The following MAGI2 variants were observed in gnomAD, a reference collection of about 807,000 sequenced individuals.
MAGI2 encodes the protein membrane-associated guanylate kinase, WW and PDZ domain-containing protein 2.
A neutral mutation model predicts 133.3 loss-of-function variants in MAGI2; 35 were observed. The observed-to-expected ratio is 0.26, with a 90% CI of 0.20 to 0.35. The LOEUF (loss-of-function observed/expected upper bound fraction) is 0.35, where lower values mean the gene tolerates loss of function less well. Ranked by LOEUF, MAGI2 falls within the 10% of genes least tolerant of loss-of-function variation. MAGI2 has a pLI of 1.00. For missense variants in MAGI2, 1,636 were observed against 1,863.4 expected (o/e 0.88, Z 2.25); for synonymous variants, 729 against 710.6 (o/e 1.03, Z -0.41).
rs554128315 is a variant in MAGI2, at chr7:78,728,839, A to C, written c.419-101600T>G. Among the ~76,000 whole-genome samples the C allele has an allele frequency of 4.0e-4, 60 of 151,624 alleles. 2 individuals carry two copies. The highest frequency in any genetic ancestry group is 1.4e-3 in the African/African-American group (58 of 41,394). ...CTCGGCCTCCCAAAGTGCTGGGATT[A>C]CAGGCGTGAGCCACCGCGCCCGGCC... On this transcript the variant is annotated intron_variant, in intron 2 of 21. Coordinates refer to ENST00000354212, the MANE Select transcript of MAGI2 (RefSeq NM_012301.4).
At chr7:78,383,324 T>C (rs1247510945) in intron 6 of MAGI2, among the ~76,000 whole-genome samples, 1 of 152,164 alleles carries the variant, frequency 6.6e-6, no homozygotes, top group Non-Finnish European at 1.5e-5. Flanking sequence ...GGTAAGATGA[T>C]ATCTCACTGT....
At chr7:78,751,579 G>A (rs1207871) in intron 2 of MAGI2, among the ~76,000 whole-genome samples, 46,795 of 152,076 alleles carry the variant, frequency 0.31, 7,402 homozygotes, top group South Asian at 0.47. Context: ...TGGTATCACA[G>A]AAAGATTGCC....
intron 1 of MAGI2, chr7:79,415,795 G>A (rs917183659): frequency 3.9e-5 from 6 of 152,144 alleles, no homozygotes; most frequent in Non-Finnish European, 7.3e-5. Context: ...GTCTGAATCT[G>A]GAAGATCCAG....
At chr7:78,063,731 G>A (rs1193412223) in intron 21 of MAGI2, among the ~76,000 whole-genome samples, 1 of 152,024 alleles carries the variant, frequency 6.6e-6, no homozygotes, top group Non-Finnish European at 1.5e-5. Context: ...TACCACTTGG[G>A]TAGAATTTTC....
intron 2 of MAGI2, among the ~76,000 whole-genome samples, chr7:78,782,855 C>G (rs1563499887): frequency 6.6e-6 from 1 of 152,084 alleles, no homozygotes; most frequent in Admixed American, 6.5e-5. Flanking sequence ...ACATATACTT[C>G]AGTGCTTCTA....
intron 1 of MAGI2, among the ~76,000 whole-genome samples, chr7:79,204,750 G>A (rs1422218402): frequency 6.6e-6 from 1 of 151,618 alleles, no homozygotes; most frequent in African/African-American, 2.4e-5. Context: ...GTGACCAGAT[G>A]AACAATTTAA....
chr7:78,961,467 G>T (rs554335394), intron 2 of MAGI2, among the ~76,000 whole-genome samples: 1 of 152,128 alleles, frequency 6.6e-6, no homozygotes, highest in South Asian at 2.1e-4. Context: ...TAAACTAATC[G>T]CTGTAATCAC....
In MAGI2 at chr7:78,849,202, C is replaced by T. The variant is rs144342741; in HGVS notation, c.418+157888G>A. 2.3e-3 allele frequency among the ~76,000 whole-genome samples: 356 copies of T among 152,058 alleles called. 1 individual carries two copies. The highest frequency in any genetic ancestry group is 8.2e-3 in the African/African-American group (340 of 41,502). ...TAAAACATGGACTTGACTTTTTAGA[C>T]GCTTACTGGCTAGCTGAAGAAATAT... On this transcript the variant is annotated intron_variant, in intron 2 of 21. Coordinates refer to ENST00000354212, the MANE Select transcript of MAGI2 (RefSeq NM_012301.4).
intron 9 of MAGI2, among the ~76,000 whole-genome samples, chr7:78,287,287 G>A (rs940422758): frequency 4.6e-5 from 7 of 152,172 alleles, no homozygotes; most frequent in South Asian, 2.1e-4. Context: ...TCAGAGAGAA[G>A]GAGAAATTTT....
At chr7:79,033,507 G>A (rs114824539) in intron 1 of MAGI2, among the ~76,000 whole-genome samples, 3,001 of 152,170 alleles carry the variant, frequency 0.02, 88 homozygotes, top group African/African-American at 0.068. Flanking sequence ...TATACCTTAT[G>A]GACAATTAGT....
At chr7:78,149,569 G>C (rs1054109446) in intron 16 of MAGI2, among the ~76,000 whole-genome samples, 1 of 152,130 alleles carries the variant, frequency 6.6e-6, no homozygotes, top group Non-Finnish European at 1.5e-5. Flanking sequence ...TTTTCATCTT[G>C]CTGTTCATCT....
At chr7:78,170,731 A>G (rs1361785234) in intron 14 of MAGI2, 1 of 152,076 alleles carries the variant, frequency 6.6e-6, no homozygotes, top group Non-Finnish European at 1.5e-5. Context: ...TAGGCAGTAT[A>G]TTCAATTACC....
At chr7:78,175,722 G>A (rs914667066) in intron 14 of MAGI2, among the ~76,000 whole-genome samples, 1 of 152,158 alleles carries the variant, frequency 6.6e-6, no homozygotes, top group African/African-American at 2.4e-5. Flanking sequence ...AGGAGTCTTG[G>A]GCAGAGGTGG....
intron 1 of MAGI2, among the ~76,000 whole-genome samples, chr7:79,134,910 G>A (rs1821243629): frequency 6.6e-6 from 1 of 152,136 alleles, no homozygotes; most frequent in Admixed American, 6.5e-5. Context: ...ATTAATAGAG[G>A]GTTAGATTAG....
chr7:78,257,632 GT>G (rs771002800), intron 9 of MAGI2, among the ~76,000 whole-genome samples: 1 of 152,004 alleles, frequency 6.6e-6, no homozygotes, highest in South Asian at 2.1e-4. Context: ...TGAGATAAAT[GT>G]TTTTTTAAAA....
At chr7:78,477,354 T>C (rs1346845554) in intron 6 of MAGI2, among the ~76,000 whole-genome samples, 2 of 152,028 alleles carry the variant, frequency 1.3e-5, no homozygotes, top group Non-Finnish European at 2.9e-5. Context: ...GTAAGAACAC[T>C]GAATGTAATA....
At chr7:79,231,944 T>C (rs1436746578) in intron 1 of MAGI2, among the ~76,000 whole-genome samples, 1 of 152,196 alleles carries the variant, frequency 6.6e-6, no homozygotes, top group Non-Finnish European at 1.5e-5. Context: ...CATAGACAGC[T>C]CTTATTATTT....
intron 6 of MAGI2, among the ~76,000 whole-genome samples, chr7:78,397,615 A>G (rs1204538285): frequency 2.6e-5 from 4 of 152,116 alleles, no homozygotes; most frequent in Admixed American, 1.3e-4. Flanking sequence ...TGTGAATGTA[A>G]TCCTCCAGGA....
rs1820921368 is a variant in MAGI2 at position 78,125,831 on chromosome 7, C to A, written c.3430G>T (p.Asp1144Tyr). ...TTCTCCATGTCCACAGTGAAATAAT[C>A]AAAATCCTTTGGGGTTGGGGAGAAA... ...LSDYRQPQDF[D>Y]YFTVDMEKGA... Residue 1144 changes from aspartate (D) to tyrosine (Y), a missense_variant, in exon 20 of 22, where the codon GAT becomes TAT. Coordinates refer to ENST00000354212, the MANE Select transcript of MAGI2 (RefSeq NM_012301.4). 6.2e-7 allele frequency: 1 copy of A among 1,613,992 alleles called. No homozygotes were observed. Among genetic ancestry groups the A allele is most frequent in the Non-Finnish European group, 8.5e-7 (1 of 1,179,968 alleles).
Sources: gnomAD v4.1 joint callset for allele counts (sites outside exome capture counted in the v4.1 genomes callset) on GRCh38, gnomAD v4.1.1 for gene constraint, MANE v1.5 for transcripts, NCBI Gene and HGNC (gene_info 2026-07-23, HGNC 2026-07-21) for gene names.